Variants in CELSR2 observed in about 807,000 individuals in gnomAD.
CELSR2 encodes cadherin EGF LAG seven-pass G-type receptor 2.
In CELSR2, 81 loss-of-function variants were observed where a neutral mutation model predicts 251.6. That is an observed-to-expected ratio of 0.32 (90% CI 0.27 to 0.39). CELSR2 has a LOEUF of 0.39. Among genes scored for constraint, CELSR2 ranks in the 10% least tolerant of loss-of-function variants. The pLI, the probability that CELSR2 is intolerant of heterozygous loss-of-function variation, is 1.00. For missense variants in CELSR2, 3,365 were observed against 3,947.7 expected, an observed-to-expected ratio of 0.85 and a Z score of 3.96; for synonymous variants, 1,721 against 1,670.5, an observed-to-expected ratio of 1.03 and a Z score of -0.74.
chr1:109,270,354 T>C (rs1656333601), intron 23 of CELSR2, 72 bp from the exon 24 acceptor site: 7 of 1,543,448 alleles, frequency 4.5e-6, no homozygotes, highest in East Asian at 2.3e-5. Context: ...CCCTCCTCCA[T>C]GCCTGACCCG....
At chr1:109,270,386 C>T (rs898309067) in intron 23 of CELSR2, 40 bp from the exon 24 acceptor site, 79 of 1,605,214 alleles carry the variant, frequency 4.9e-5, no homozygotes, top group Middle Eastern at 3.4e-4. Context: ...GTGCTCTGGG[C>T]GGGCCCCGGT....
At chr1:109,268,507 A>C in intron 17 of CELSR2, 74 bp from the exon 18 acceptor site, 2 of 1,497,898 alleles carry the variant, frequency 1.3e-6, no homozygotes, top group Non-Finnish European at 1.8e-6. Flanking sequence ...TGGCCCGGGC[A>C]CAGGCCGGGG....
chr1:109,273,413 C>T, intron 32 of CELSR2, 23 bp from the exon 33 acceptor site: 1 of 1,608,150 alleles, frequency 6.2e-7, no homozygotes, highest in Non-Finnish European at 8.5e-7. Context: ...GGCCGCACCT[C>T]ACAGCCCCGC....
chr1:109,262,019 G>A, intron 5 of CELSR2, 123 bp downstream of exon 5: 1 of 1,157,018 alleles, frequency 8.6e-7, no homozygotes, highest in Non-Finnish European at 1.3e-6. Context: ...TGAGAGGAAG[G>A]GAGCGGCTGG....
chr1:109,267,503 C>T (rs548485143), intron 15 of CELSR2, 45 bp from the exon 16 acceptor site: 2 of 1,580,180 alleles, frequency 1.3e-6, no homozygotes, highest in East Asian at 4.5e-5. Flanking sequence ...CAGGGGCTTC[C>T]TGTGTGTCTC....
At position 109,266,101 on chromosome 1, in the gene CELSR2, G is replaced by A. The variant is rs200806233; in HGVS notation, c.5912-4G>A. 4.0e-5 allele frequency: 64 copies of A among 1,613,800 alleles called. 1 individual carries two copies. The East Asian group carries it at 5.8e-4, about 15-fold the overall frequency. On this transcript the variant is annotated splice_region_variant and splice_polypyrimidine_tract_variant and intron_variant, in intron 14 of 33. Transcript: ENST00000271332. ...CCTGGGTGACCATGTGCTCTTCCCC[G>A]CAGTGAATTATGACAGCTGCCCACG...
chr1:109,273,388 C>T, intron 32 of CELSR2, 48 bp from the exon 33 acceptor site: 3 of 1,608,126 alleles, frequency 1.9e-6, no homozygotes. Flanking sequence ...AGCCTCATAC[C>T]TCACATTCTC....
intron 6 of CELSR2, 36 bp from the exon 7 acceptor site, chr1:109,262,770 C>G (rs762399017): frequency 2.2e-5 from 36 of 1,600,082 alleles, no homozygotes; most frequent in Middle Eastern, 4.0e-4. Context: ...AAGCTCCCAG[C>G]CCTCCCTTGT....
intron 28 of CELSR2, 94 bp from the exon 29 acceptor site, chr1:109,272,184 G>A: frequency 6.9e-7 from 1 of 1,455,992 alleles, no homozygotes; most frequent in South Asian, 1.4e-5. Context: ...TGTGGAAGGT[G>A]GAACTTAGGG....
intron 33 of CELSR2, 59 bp from the exon 34 acceptor site, chr1:109,273,961 CCT>C (rs1553181635): frequency 8.8e-6 from 14 of 1,593,350 alleles, no homozygotes; most frequent in Non-Finnish European, 5.2e-6. Context: ...TTCACTCTCT[CCT>C]CTGTTTCAAC....
chr1:109,253,655 G>A (rs547560114), intron 1 of CELSR2, among the ~76,000 whole-genome samples: 2 of 152,358 alleles, frequency 1.3e-5, no homozygotes, highest in African/African-American at 4.8e-5. Context: ...CGTGGTCGGG[G>A]AAGTGTTGTG....
rs149406305 is a variant in CELSR2 at position 109,273,933 on chromosome 1, C to G, written c.8745-89C>G. The G allele has an allele frequency of 6.7e-4, 1,028 of 1,538,184 alleles. 2 individuals are homozygous for G. The African/African-American group carries it at 0.013, about 19-fold the overall frequency. ...GGAGCTGGGGGTGCTTTCCTGTTTC[C>G]TTCGTCTGGTGAAAGCTTTCACTCT... On this transcript the variant is annotated intron_variant, in intron 33 of 33. Coordinates refer to ENST00000271332, the MANE Select transcript of CELSR2 (RefSeq NM_001408.3).
Position 109,261,895 on chromosome 1 carries a change from A to T in CELSR2, c.4385A>T (p.Lys1462Met). The change falls in exon 5 of 34, where the codon AAG becomes ATG. Residue 1462 changes from lysine (K) to methionine (M), a missense_variant and splice_region_variant. Transcript: ENST00000271332. This position sits in a 1 kb window ranked among gnomAD's most constrained non-coding sequence, Gnocchi z 4.8. ...WHTVQLKYYNKPLLGQTGLPQ... is the reference protein window; with the variant it reads ...WHTVQLKYYNMPLLGQTGLPQ... ...ACGGTGCAGCTGAAATACTACAATA[A>T]GGTGGGTGTGGAGGGCACAGAGGGT... 6.3e-7 allele frequency: 1 copy of T among 1,575,124 alleles called. No homozygotes were observed. The highest frequency in any genetic ancestry group is 1.8e-5 in the Admixed American group (1 of 55,468).
chr1:109,252,776 C>T lies in CELSR2; in HGVS notation c.2697C>T (p.Pro899=). The T allele has an allele frequency of 1.2e-6, 2 of 1,614,010 alleles. No individual in the cohort carries two copies. Among genetic ancestry groups the T allele is most frequent in the Non-Finnish European group, 1.7e-6 (2 of 1,180,036 alleles). Residue 899 remains proline, a synonymous_variant, in exon 1 of 34, where the codon CCC becomes CCT. Coordinates refer to ENST00000271332, the MANE Select transcript of CELSR2 (RefSeq NM_001408.3). The surrounding 1 kb of genome is among the most constrained non-coding windows in gnomAD (Gnocchi z 4.8). ...LRAYAVDKGM[P]PARTPMEVTV... ...CATATGCAGTGGACAAGGGGATGCC[C>T]CCAGCCCGCACACCTATGGAAGTGA...
chr1:109,249,713 C>G lies in CELSR2; in HGVS notation c.-367C>G, dbSNP rs1164027757. 6.8e-6 allele frequency among the ~76,000 whole-genome samples: 1 copy of G among 148,140 alleles called. No individual in the cohort carries two copies. The highest frequency in any genetic ancestry group is 1.5e-5 in the Non-Finnish European group (1 of 66,692). Reference sequence around the variant, plus strand: ...GCACGGCTACGCGGGCGCAGGTGGGCGATCCCATAGGGGCGGAGGGGGCAC... The same window carrying G: ...GCACGGCTACGCGGGCGCAGGTGGGGGATCCCATAGGGGCGGAGGGGGCAC... On this transcript the variant is annotated 5_prime_UTR_variant, in exon 1 of 34. Coordinates refer to ENST00000271332, the MANE Select transcript of CELSR2 (RefSeq NM_001408.3).
In CELSR2 at chr1:109,250,220, T is replaced by C. The variant is rs775387671; in HGVS notation, c.141T>C (p.Ser47=). The change falls in exon 1 of 34, where the codon TCT becomes TCC. Residue 47 remains serine, a synonymous_variant. Transcript: ENST00000271332. The surrounding 1 kb of genome is among the most constrained non-coding windows in gnomAD (Gnocchi z 4.4). ...CCTTGGGGTCCAGGGGACGAGGCTC[T>C]TCGGGGGCCTGCGCCCCCATGGGCT... is the stretch of plus-strand genomic sequence containing the variant. ...CRSLGSRGRG[S]SGACAPMGWL... is the part of the protein sequence containing the mutation. The C allele has an allele frequency of 1.2e-6, 2 of 1,603,076 alleles. No homozygotes were observed. Among genetic ancestry groups the C allele is most frequent in the Non-Finnish European group, 1.7e-6 (2 of 1,175,524 alleles).
At chr1:109,266,265 G>A (rs1194043429) in intron 15 of CELSR2, 59 bp downstream of exon 15, 6 of 1,590,528 alleles carry the variant, frequency 3.8e-6, no homozygotes, top group Non-Finnish European at 5.2e-6. Flanking sequence ...TTAGTGGGAT[G>A]AGGGCAGGAA....
chr1:109,258,685 C>A lies in CELSR2; in HGVS notation c.3564C>A (p.Gly1188=). The A allele has an allele frequency of 6.5e-7, 1 of 1,548,126 alleles. No individual in the cohort carries two copies. ...TCCTCAACGTGAGCCTGTCGGTGGG[C>A]CAGCCGCCAGGGCCCGGGGGCGGGC... ...GHILNVSLSV[G]QPPGPGGGPP... is the part of the protein sequence containing the mutation. The change falls in exon 2 of 34, where the codon GGC becomes GGA. Residue 1188 remains glycine (G), a synonymous_variant. Transcript: ENST00000271332.
In CELSR2 at chr1:109,272,626, T is replaced by G; in HGVS notation, c.8055-14T>G. The stretch of plus-strand genomic sequence containing the variant: ...GGCCAGGCTGACCCCTCCAGCATGG[T>G]CTCATCTTCCTAGGGAGGAGTCCGC... On this transcript the variant is annotated splice_polypyrimidine_tract_variant and intron_variant, in intron 29 of 33. Transcript: ENST00000271332. 5 of 1,610,474 alleles carry G rather than the reference T, an allele frequency of 3.1e-6. No individual in the cohort carries two copies. The highest frequency in any genetic ancestry group is 4.2e-6 in the Non-Finnish European group (5 of 1,177,554).
Sources: gnomAD v4.1 joint callset for allele counts (sites outside exome capture counted in the v4.1 genomes callset) on GRCh38, gnomAD v4.1.1 for gene constraint, Gnocchi (gnomAD v3.1) non-coding constraint, MANE v1.5 for transcripts, NCBI Gene and HGNC (gene_info 2026-07-23, HGNC 2026-07-21) for gene names.